ERBB4: variants seen among roughly 807,000 people sequenced by gnomAD.
The protein encoded by ERBB4 is erb-b2 receptor tyrosine kinase 4.
In ERBB4, 42 loss-of-function variants were observed where a neutral mutation model predicts 158.0. That is an observed-to-expected ratio of 0.27 (90% CI 0.21 to 0.34). ERBB4 has a LOEUF of 0.34. ERBB4 is among the 10% of genes least tolerant of loss of function. The pLI, the probability that ERBB4 is intolerant of heterozygous loss-of-function variation, is 1.00. For missense variants in ERBB4, 1,333 were observed against 1,624.1 expected, an observed-to-expected ratio of 0.82 and a Z score of 3.08; for synonymous variants, 583 against 558.7, an observed-to-expected ratio of 1.04 and a Z score of -0.61.
intron 20 of ERBB4, among the ~76,000 whole-genome samples, chr2:211,538,819 G>A (rs1297990984): frequency 6.6e-6 from 1 of 151,806 alleles, no homozygotes; most frequent in Non-Finnish European, 1.5e-5. Context: ...TATGTAATGT[G>A]AATATGAATA....
chr2:211,536,077 C>A (rs1490334217), intron 20 of ERBB4, among the ~76,000 whole-genome samples: 3 of 151,972 alleles, frequency 2.0e-5, no homozygotes, highest in African/African-American at 7.2e-5. Context: ...TAATGTTAAA[C>A]AATCATCTCT....
chr2:212,099,156 T>C (rs904919035), intron 2 of ERBB4, among the ~76,000 whole-genome samples: 14 of 74,514 alleles, frequency 1.9e-4, no homozygotes, highest in Non-Finnish European at 2.7e-4. Flanking sequence ...AATAAATAAA[T>C]AAATAAATAA....
intron 1 of ERBB4, among the ~76,000 whole-genome samples, chr2:212,504,515 C>T (rs758076630): frequency 2.4e-4 from 36 of 151,506 alleles, no homozygotes; most frequent in Admixed American, 3.9e-4. Flanking sequence ...AAAAAATTTT[C>T]GTTAATCTCA....
At chr2:212,344,260 G>A (rs1281398153) in intron 1 of ERBB4, among the ~76,000 whole-genome samples, 1 of 151,990 alleles carries the variant, frequency 6.6e-6, no homozygotes, top group Non-Finnish European at 1.5e-5. Flanking sequence ...TTTGTTGTGG[G>A]GACTATCCTG....
At chr2:212,058,438 T>C (rs531491962) in intron 2 of ERBB4, among the ~76,000 whole-genome samples, 32 of 152,318 alleles carry the variant, frequency 2.1e-4, no homozygotes, top group African/African-American at 7.0e-4. Flanking sequence ...TAACTCATTT[T>C]ATGAAGCCAG....
intron 16 of ERBB4, among the ~76,000 whole-genome samples, chr2:211,639,740 G>A (rs761205861): frequency 6.6e-6 from 1 of 151,588 alleles, no homozygotes; most frequent in Non-Finnish European, 1.5e-5. Flanking sequence ...CTTTTTTTTT[G>A]AGAAGGAGTC....
intron 1 of ERBB4, among the ~76,000 whole-genome samples, chr2:212,414,760 G>A (rs1299997822): frequency 6.6e-6 from 1 of 152,038 alleles, no homozygotes; most frequent in East Asian, 1.9e-4. Context: ...ATATTGAATC[G>A]ATTTAAACTG....
intron 1 of ERBB4, among the ~76,000 whole-genome samples, chr2:212,154,000 T>C (rs1313742423): frequency 6.6e-6 from 1 of 152,048 alleles, no homozygotes; most frequent in Non-Finnish European, 1.5e-5. Flanking sequence ...GAATTATCAG[T>C]GACCTATTGC....
chr2:211,512,710 A>G (rs2065912233), intron 20 of ERBB4, among the ~76,000 whole-genome samples: 1 of 152,146 alleles, frequency 6.6e-6, no homozygotes, highest in Non-Finnish European at 1.5e-5. Flanking sequence ...AACTCAAAGT[A>G]CAATTCTTTA....
intron 20 of ERBB4, among the ~76,000 whole-genome samples, chr2:211,534,597 A>C (rs2066593577): frequency 6.6e-6 from 1 of 152,102 alleles, no homozygotes; most frequent in Non-Finnish European, 1.5e-5. Context: ...CATAGCCATA[A>C]GGGATGCTGC....
chr2:211,713,687 G>A (rs1575034098), intron 7 of ERBB4, 39 bp from the exon 8 acceptor site: 1 of 1,214,558 alleles, frequency 8.2e-7, no homozygotes, highest in East Asian at 2.3e-5. Flanking sequence ...AAGCATTAAT[G>A]TTAACATTCA....
intron 1 of ERBB4, among the ~76,000 whole-genome samples, chr2:212,254,331 A>T (rs1164907301): frequency 6.6e-6 from 1 of 152,210 alleles, no homozygotes; most frequent in Non-Finnish European, 1.5e-5. Flanking sequence ...AATGAAGATT[A>T]AGTTAAAATG....
chr2:211,936,270 T>C (rs2080319436), intron 3 of ERBB4, among the ~76,000 whole-genome samples: 1 of 152,044 alleles, frequency 6.6e-6, no homozygotes, highest in Admixed American at 6.6e-5. Context: ...TCCTTCTATT[T>C]CATAGTAAAT....
At chr2:211,537,912 A>AT (rs1178065040) in intron 20 of ERBB4, among the ~76,000 whole-genome samples, 2 of 151,918 alleles carry the variant, frequency 1.3e-5, no homozygotes, top group Non-Finnish European at 2.9e-5. Context: ...CCTTTAAGAC[A>AT]TTTTTTAAAT....
chr2:211,790,133 A>G (rs2076248593), intron 3 of ERBB4, among the ~76,000 whole-genome samples: 1 of 152,066 alleles, frequency 6.6e-6, no homozygotes, highest in Non-Finnish European at 1.5e-5. Context: ...TTCTACATTA[A>G]TGTTTGGCAT....
At chr2:211,586,099 T>A (rs1366097758) in intron 19 of ERBB4, among the ~76,000 whole-genome samples, 1 of 152,040 alleles carries the variant, frequency 6.6e-6, no homozygotes, top group Non-Finnish European at 1.5e-5. Context: ...ATAATCAAAT[T>A]CAATAAACCA....
intron 3 of ERBB4, among the ~76,000 whole-genome samples, chr2:211,852,501 CTG>C (rs765759480): frequency 1.3e-5 from 2 of 151,858 alleles, no homozygotes; most frequent in Non-Finnish European, 1.5e-5. Flanking sequence ...TTCTTGGAAA[CTG>C]TGACTTTTAA....
intron 16 of ERBB4, among the ~76,000 whole-genome samples, chr2:211,634,738 T>C (rs779098667): frequency 1.5e-4 from 23 of 152,028 alleles, no homozygotes; most frequent in Admixed American, 3.3e-4. Flanking sequence ...AGTGCAGTGG[T>C]GTGATCTTGG....
chr2:212,190,835 G>C (rs1171811984), intron 1 of ERBB4, among the ~76,000 whole-genome samples: 1 of 151,900 alleles, frequency 6.6e-6, no homozygotes, highest in Non-Finnish European at 1.5e-5. Flanking sequence ...TATTATTTTA[G>C]GAATTAATAA....
Sources: gnomAD v4.1 joint callset for allele counts (sites outside exome capture counted in the v4.1 genomes callset) on GRCh38, gnomAD v4.1.1 for gene constraint, MANE v1.5 for transcripts, NCBI Gene and HGNC (gene_info 2026-07-23, HGNC 2026-07-21) for gene names.